Variants in SMYD3 observed in about 807,000 individuals in gnomAD.
SMYD3 encodes the protein histone-lysine N-methyltransferase SMYD3.
A neutral mutation model predicts 57.7 loss-of-function variants in SMYD3; 36 were observed. The observed-to-expected ratio is 0.62, with a 90% confidence interval of 0.48 to 0.82. SMYD3 has a LOEUF of 0.82. SMYD3 is among the 40% of genes least tolerant of loss of function. The probability of loss-of-function intolerance (pLI) is 0.00; values close to 1 mark genes in which losing one functional copy is unlikely to be tolerated. For missense variants in SMYD3, 515 were observed against 538.8 expected, an observed-to-expected ratio of 0.96 and a Z score of 0.44; for synonymous variants, 211 against 195.0, an observed-to-expected ratio of 1.08 and a Z score of -0.68.
chr1:246,107,856 C>A (rs2061158470), intron 5 of SMYD3, among the ~76,000 whole-genome samples: 1 of 152,140 alleles, frequency 6.6e-6, no homozygotes, highest in African/African-American at 2.4e-5. Flanking sequence ...ATAAATAAAT[C>A]TGGAAAGGAA....
chr1:246,363,264 C>T lies in SMYD3; in HGVS notation c.165-8170G>A, dbSNP rs1184924462. Among the ~76,000 whole-genome samples, 354 of 150,826 alleles carry T rather than the reference C, an allele frequency of 2.3e-3. 1 individual carries two copies. Among genetic ancestry groups the T allele is most frequent in the African/African-American group, 8.1e-3 (332 of 40,924 alleles). ...CGGGAGGGAGGTGGGGGTTAGCCCC[C>T]GCCAGGCCAGCCGCCCCGTCCGGGA... On this transcript the variant is annotated intron_variant, in intron 1 of 11. Coordinates refer to ENST00000490107, the MANE Select transcript of SMYD3 (RefSeq NM_001167740.2).
chr1:246,002,996 C>G (rs1233930504), intron 5 of SMYD3, among the ~76,000 whole-genome samples: 1 of 151,996 alleles, frequency 6.6e-6, no homozygotes, highest in Non-Finnish European at 1.5e-5. Flanking sequence ...TACCACCGCA[C>G]GATGTAAGTG....
chr1:245,927,363 T>C (rs1331792613), intron 7 of SMYD3, among the ~76,000 whole-genome samples: 1 of 152,222 alleles, frequency 6.6e-6, no homozygotes, highest in Non-Finnish European at 1.5e-5. Flanking sequence ...ATCCTCCCTG[T>C]CCTCTATTCC....
At chr1:246,346,598 C>A (rs571372338) in intron 2 of SMYD3, among the ~76,000 whole-genome samples, 2 of 152,054 alleles carry the variant, frequency 1.3e-5, no homozygotes, top group Admixed American at 6.5e-5. Context: ...AAGTGCCCAG[C>A]AAAGCAGGAA....
At chr1:246,375,163 C>G (rs549254722) in intron 1 of SMYD3, among the ~76,000 whole-genome samples, 1 of 152,196 alleles carries the variant, frequency 6.6e-6, no homozygotes, top group South Asian at 2.1e-4. Flanking sequence ...ATGTACTGAT[C>G]AGGTGACAAA....
chr1:246,258,511 A>G (rs1164707383), intron 5 of SMYD3, among the ~76,000 whole-genome samples: 1 of 152,132 alleles, frequency 6.6e-6, no homozygotes, highest in Non-Finnish European at 1.5e-5. Context: ...TCTTGGTTGC[A>G]ATTTCTTTTC....
At chr1:245,770,004 A>G (rs2046272042) in intron 10 of SMYD3, among the ~76,000 whole-genome samples, 1 of 152,232 alleles carries the variant, frequency 6.6e-6, no homozygotes, top group Non-Finnish European at 1.5e-5. Flanking sequence ...CGCAGAAGCC[A>G]TGAATTTAGA....
intron 10 of SMYD3, among the ~76,000 whole-genome samples, chr1:245,774,010 A>G (rs1001072962): frequency 3.9e-5 from 6 of 152,264 alleles, no homozygotes; most frequent in African/African-American, 1.4e-4. Context: ...CTAGAAATGC[A>G]GCAGGCATGG....
chr1:246,170,761 G>T (rs373016443), intron 5 of SMYD3, among the ~76,000 whole-genome samples: 1 of 152,098 alleles, frequency 6.6e-6, no homozygotes, highest in Non-Finnish European at 1.5e-5. Flanking sequence ...TTCAAGAAAC[G>T]TAGTCGAGAA....
chr1:246,169,394 A>C (rs1056741176), intron 5 of SMYD3, among the ~76,000 whole-genome samples: 1 of 150,526 alleles, frequency 6.6e-6, no homozygotes, highest in African/African-American at 2.5e-5. Context: ...AAAAAAAAAA[A>C]AAAAAAAAAA....
intron 10 of SMYD3, among the ~76,000 whole-genome samples, chr1:245,798,902 T>C (rs1414848323): frequency 3.9e-5 from 6 of 152,112 alleles, no homozygotes; most frequent in Non-Finnish European, 7.4e-5. Context: ...GACCATGCCT[T>C]AGTGTTCCCG....
intron 5 of SMYD3, among the ~76,000 whole-genome samples, chr1:246,274,647 T>A (rs1399463443): frequency 1.1e-4 from 16 of 152,212 alleles, no homozygotes; most frequent in Non-Finnish European, 1.5e-5. Context: ...TTTTACTGAC[T>A]AGCCCTCAAA....
chr1:245,907,435 C>A (rs1174324417), intron 8 of SMYD3, among the ~76,000 whole-genome samples: 1 of 152,116 alleles, frequency 6.6e-6, no homozygotes, highest in Non-Finnish European at 1.5e-5. Context: ...CAAAGGAATT[C>A]ATCACCACTA....
intron 5 of SMYD3, among the ~76,000 whole-genome samples, chr1:246,070,336 T>C (rs927906879): frequency 2.0e-5 from 3 of 152,174 alleles, no homozygotes; most frequent in Admixed American, 6.5e-5. Flanking sequence ...CTAATATCGA[T>C]TAGGTCCAAA....
intron 5 of SMYD3, chr1:246,035,366 G>A (rs1399683434): frequency 3.9e-5 from 6 of 152,134 alleles, no homozygotes; most frequent in East Asian, 1.9e-4. Flanking sequence ...TGAAATAAAC[G>A]GAAAGGAAGT....
At chr1:246,462,438 C>T (rs993574722) in intron 1 of SMYD3, among the ~76,000 whole-genome samples, 1 of 152,076 alleles carries the variant, frequency 6.6e-6, no homozygotes, top group Non-Finnish European at 1.5e-5. Flanking sequence ...GGGGGCCTGG[C>T]CTCAAGTCAT....
At chr1:246,243,071 A>T (rs2063642875) in intron 5 of SMYD3, among the ~76,000 whole-genome samples, 2 of 152,168 alleles carry the variant, frequency 1.3e-5, no homozygotes, top group South Asian at 4.1e-4. Flanking sequence ...AAACATATCC[A>T]GGACTTGAAC....
intron 5 of SMYD3, among the ~76,000 whole-genome samples, chr1:246,275,771 T>G (rs1440415054): frequency 6.6e-6 from 1 of 150,544 alleles, no homozygotes; most frequent in African/African-American, 2.5e-5. Context: ...GAATACTAAC[T>G]CTGTTTTTTC....
intron 5 of SMYD3, among the ~76,000 whole-genome samples, chr1:246,058,463 C>A (rs2060191840): frequency 6.6e-6 from 1 of 152,158 alleles, no homozygotes; most frequent in African/African-American, 2.4e-5. Context: ...TGAAAGAAAA[C>A]CCCATTCAGT....
Sources: allele counts gnomAD v4.1 joint callset (sites outside exome capture counted in the v4.1 genomes callset), GRCh38; gene constraint gnomAD v4.1.1; transcripts MANE v1.5; gene names NCBI Gene and HGNC (gene_info 2026-07-23, HGNC 2026-07-21).